The following ABCF1 variants were observed in gnomAD, a reference collection of about 807,000 sequenced individuals.
ABCF1 encodes the protein ATP-binding cassette sub-family F member 1.
ABCF1 carries 73 observed loss-of-function variants against 126.3 expected under a neutral mutation model. The ratio of observed to expected loss-of-function variants is 0.58; its 90% CI spans 0.48 to 0.70. The LOEUF (loss-of-function observed/expected upper bound fraction) is 0.70. Among genes scored for constraint, ABCF1 ranks in the 30% least tolerant of loss-of-function variants. The probability of loss-of-function intolerance (pLI) is 0.00; values close to 1 mark genes in which losing one functional copy is unlikely to be tolerated. For missense variants in ABCF1, 786 were observed against 1,057.5 expected, an observed-to-expected ratio of 0.74 and a Z score of 3.56; for synonymous variants, 345 against 396.4, an observed-to-expected ratio of 0.87 and a Z score of 1.54.
rs1469228035 is a variant in ABCF1 at position 30,580,464 on chromosome 6, T to C, written c.623T>C (p.Ile208Thr). 3.3e-6 allele frequency: 5 copies of C among 1,531,338 alleles called. No individual in the cohort carries two copies. Among genetic ancestry groups the C allele is most frequent in the Non-Finnish European group, 4.3e-6 (5 of 1,152,794 alleles). The allele number at this position is 1,531,338 out of a possible 1,614,324, so 94.9% of individuals were successfully genotyped here. A position where few individuals can be genotyped will look rare whatever the true frequency, so the allele number is the denominator to read the frequency against. The change falls in exon 8 of 25, where the codon ATA becomes ACA. Residue 208 changes from isoleucine to threonine, a missense_variant. Coordinates refer to ENST00000326195, the MANE Select transcript of ABCF1 (RefSeq NM_001025091.2). ...NEEEDKEEEIIKEKEPPKQGK... is the reference protein window; with the variant it reads ...NEEEDKEEEITKEKEPPKQGK... Reference sequence around the variant, plus strand: ...GAGGAGGATAAAGAAGAAGAAATTATAAAGGAAAAGGAGCCTCCCAAACAA... The same window carrying C: ...GAGGAGGATAAAGAAGAAGAAATTACAAAGGAAAAGGAGCCTCCCAAACAA...
At position 30,583,287 on chromosome 6, in the gene ABCF1, G is replaced by A; in HGVS notation, c.915+99G>A. The A allele has an allele frequency of 6.8e-7, 1 of 1,466,910 alleles. No homozygotes were observed. Among genetic ancestry groups the A allele is most frequent in the Non-Finnish European group, 9.2e-7 (1 of 1,088,834 alleles). The allele number at this position is 1,466,910 out of a possible 1,614,324, so 90.9% of individuals were successfully genotyped here. ...TGTGGTGTGTGAATGGGTTAGTTCA[G>A]TGGGAAGAAAGATTGGAGGCATTTT... On this transcript the variant is annotated intron_variant, in intron 10 of 24. Coordinates refer to ENST00000326195, the MANE Select transcript of ABCF1 (RefSeq NM_001025091.2). The surrounding 1 kb of genome is among the most constrained non-coding windows in gnomAD (Gnocchi z 4.1).
rs1170216339 is a variant in ABCF1, at chr6:30,585,702, G to T, written c.1600+20G>T. ...ATTACAGTAAGTAGGATTGTGTGTG[G>T]ATGCAGGGAAGAGATAGAACCTCGA... On this transcript the variant is annotated intron_variant, in intron 16 of 24. Transcript: ENST00000326195. 2 of 1,612,122 alleles carry T rather than the reference G, an allele frequency of 1.2e-6. No individual in the cohort carries two copies. The highest frequency in any genetic ancestry group is 1.1e-5 in the South Asian group (1 of 91,066).
chr6:30,580,273 G>A (rs1801742302), intron 7 of ABCF1, 133 bp from the exon 8 acceptor site: 5 of 750,866 alleles, frequency 6.7e-6, no homozygotes, highest in South Asian at 5.7e-5. Flanking sequence ...CGTGAACCCG[G>A]GAGGTGGAGC....
intron 20 of ABCF1, chr6:30,589,437 A>C (rs1802321038): frequency 1.8e-6 from 1 of 565,048 alleles, no homozygotes; most frequent in Non-Finnish European, 3.1e-6. Context: ...TCCCGTCTCT[A>C]CTAAAAATAC....
Position 30,585,637 on chromosome 6 carries a change from A to G in ABCF1, c.1555A>G (p.Ile519Val). The G allele has an allele frequency of 6.2e-7, 1 of 1,613,006 alleles. No individual in the cohort carries two copies. The highest frequency in any genetic ancestry group is 8.5e-7 in the Non-Finnish European group (1 of 1,180,028). Residue 519 changes from isoleucine (I) to valine (V), a missense_variant, in exon 16 of 25, where the codon ATC becomes GTC. Ile to Val is a conservative substitution (Grantham distance 29). Around this residue, in one of 4 missense-constraint regions of ABCF1, gnomAD observed 288 missense variants for 423.5 expected, o/e 0.68. Coordinates refer to ENST00000326195, the MANE Select transcript of ABCF1 (RefSeq NM_001025091.2). ...GFLDDVCTDI[I>V]HLDAQRLHYY... ...CTTGGATGATGTCTGCACTGATATC[A>G]TCCACCTCGATGCCCAGCGGCTCCA...
rs999811921 is a variant in ABCF1 at position 30,589,093 on chromosome 6, G to C, written c.2032-595G>C. Among the ~76,000 whole-genome samples, 72 of 152,020 alleles carry C rather than the reference G, an allele frequency of 4.7e-4. 1 individual carries two copies. On this transcript the variant is annotated intron_variant, in intron 20 of 24. Coordinates refer to ENST00000326195, the MANE Select transcript of ABCF1 (RefSeq NM_001025091.2). ...CGATCTCAGCAACTTCCACCTCCTG[G>C]GTTAAAACCATTCTTGTGCCTCAGC...
intron 20 of ABCF1, 51 bp from the exon 21 acceptor site, chr6:30,589,637 C>G: frequency 6.3e-7 from 1 of 1,596,370 alleles, no homozygotes; most frequent in Non-Finnish European, 8.6e-7. Context: ...TATGGAGCTG[C>G]AGCACCTTTT....
intron 20 of ABCF1, chr6:30,589,487 C>T: frequency 1.6e-6 from 1 of 621,006 alleles, no homozygotes; most frequent in Middle Eastern, 4.3e-4. Flanking sequence ...CCTGTATTCC[C>T]AGCTACTGGG....
At chr6:30,589,462 G>C (rs540436129) in intron 20 of ABCF1, 16 of 590,130 alleles carry the variant, frequency 2.7e-5, no homozygotes, top group Middle Eastern at 9.0e-4. Flanking sequence ...AATTAGCCGG[G>C]TGTGGTGGCA....
At chr6:30,576,490 T>C (rs913612755) in intron 1 of ABCF1, among the ~76,000 whole-genome samples, 4 of 151,974 alleles carry the variant, frequency 2.6e-5, no homozygotes, top group African/African-American at 9.7e-5. Context: ...GGTTTCACCA[T>C]GTTCACCAGA....
At position 30,577,832 on chromosome 6, in the gene ABCF1, G is replaced by A. The variant is rs769438616; in HGVS notation, c.135G>A (p.Leu45=). The A allele has an allele frequency of 1.2e-6, 2 of 1,613,726 alleles. No homozygotes were observed. The highest frequency in any genetic ancestry group is 2.7e-5 in the African/African-American group (2 of 74,914). Reference sequence around the variant, plus strand: ...TCCCTTTATAGTTCTTTGAAGAGCTGGCAGTAGAAGATAAACAGGCTGGGG... The same window carrying A: ...TCCCTTTATAGTTCTTTGAAGAGCTAGCAGTAGAAGATAAACAGGCTGGGG... The part of the protein sequence containing the change: ...KKIKKTFFEE[L]AVEDKQAGEE... The change falls in exon 3 of 25, where the codon CTG becomes CTA. Residue 45 remains leucine (L), a synonymous_variant. Coordinates refer to ENST00000326195, the MANE Select transcript of ABCF1 (RefSeq NM_001025091.2).
At chr6:30,588,180 C>T (rs1423588992) in intron 20 of ABCF1, among the ~76,000 whole-genome samples, 1 of 151,962 alleles carries the variant, frequency 6.6e-6, no homozygotes, top group African/African-American at 2.4e-5. Context: ...GGATTACAGG[C>T]GTGAGCCACC....
Position 30,583,102 on chromosome 6 carries a change from GC to G in ABCF1, c.831del (p.Asn278MetfsTer21). 6.2e-7 allele frequency: 1 copy of G among 1,611,576 alleles called. No homozygotes were observed. The highest frequency in any genetic ancestry group is 8.5e-7 in the Non-Finnish European group (1 of 1,178,714). Reference sequence around the variant, plus strand: ...GCGCCAAGTGGCTTCATTAAAAGCAGCCAATGCAGCTGAAAATGACTTCTCC... The same window carrying G: ...GCGCCAAGTGGCTTCATTAAAAGCAGCAATGCAGCTGAAAATGACTTCTCC... ...YERQVASLKA[A>X]NAAENDFSVS... On this transcript the variant is annotated frameshift_variant, in exon 10 of 25. Transcript: ENST00000326195. LOFTEE classifies it high-confidence loss of function. The surrounding 1 kb of genome is among the most constrained non-coding windows in gnomAD (Gnocchi z 4.1).
At position 30,585,348 on chromosome 6, in the gene ABCF1, G is replaced by A. The variant is rs768066011; in HGVS notation, c.1475+5G>A. On this transcript the variant is annotated splice_donor_5th_base_variant and intron_variant, in intron 15 of 24. Coordinates refer to ENST00000326195, the MANE Select transcript of ABCF1 (RefSeq NM_001025091.2). ...CGCTGTCATCTGGCTTAATAAGTGC[G>A]TTACGGCCTTTGCATCATTGGTTCC... 32 of 1,612,146 alleles carry A rather than the reference G, an allele frequency of 2.0e-5. No homozygotes were observed. Among genetic ancestry groups the A allele is most frequent in the Non-Finnish European group, 2.5e-5 (29 of 1,179,178 alleles).
Position 30,578,573 on chromosome 6 carries a change from A to G in ABCF1, c.485A>G (p.Asn162Ser), listed in dbSNP as rs1449507589. 9 of 1,613,456 alleles carry G rather than the reference A, an allele frequency of 5.6e-6. No homozygotes were observed. The East Asian group carries it at 8.9e-5, about 16-fold the overall frequency. The part of the protein sequence containing the change: ...KPAKPEKNRI[N>S]KAVSEEQQPA... Reference sequence around the variant, plus strand: ...GCCAAGCCGGAGAAGAATCGGATCAATAAGGTGACAGTGGTGGCTCGATCA... The same window carrying G: ...GCCAAGCCGGAGAAGAATCGGATCAGTAAGGTGACAGTGGTGGCTCGATCA... Residue 162 changes from asparagine (N) to serine (S), a missense_variant, in exon 6 of 25, where the codon AAT (asparagine) becomes AGT (serine). Physicochemically the swap from Asn to Ser is conservative, Grantham distance 46 (BLOSUM62 1). Around this residue, in one of 4 missense-constraint regions of ABCF1, gnomAD observed 322 missense variants for 322.9 expected, o/e 1.00. Coordinates refer to ENST00000326195, the MANE Select transcript of ABCF1 (RefSeq NM_001025091.2).
chr6:30,585,126 G>A, intron 14 of ABCF1, 134 bp from the exon 15 acceptor site: 1 of 811,722 alleles, frequency 1.2e-6, no homozygotes, highest in Non-Finnish European at 2.1e-6. Flanking sequence ...ACCGTATCCT[G>A]CCCGAGAACT....
chr6:30,578,625 C>T, intron 6 of ABCF1, 48 bp downstream of exon 6: 1 of 1,515,222 alleles, frequency 6.6e-7, no homozygotes, highest in Admixed American at 1.7e-5. Context: ...TTAGCACCTT[C>T]TGGCCATGGT....
Position 30,590,834 on chromosome 6 carries a change from G to A in ABCF1, c.*133G>A. ...CCATTCAGGCACATGAAGGTGGAGT[G>A]TGACCTTGATGTGACCGGGATCCCA... On this transcript the variant is annotated 3_prime_UTR_variant, in exon 25 of 25. Transcript: ENST00000326195. 1 of 994,596 alleles carries A rather than the reference G, an allele frequency of 1.0e-6. No homozygotes were observed. The highest frequency in any genetic ancestry group is 1.5e-6 in the Non-Finnish European group (1 of 680,138). The allele number at this position is 994,596 out of a possible 1,614,324, so 61.6% of individuals were successfully genotyped here.
rs890415967 is a variant in ABCF1, at chr6:30,578,098, G to A, written c.239G>A (p.Arg80Gln). 1.7e-5 allele frequency: 28 copies of A among 1,613,928 alleles called. No homozygotes were observed. The highest frequency in any genetic ancestry group is 2.2e-5 in the East Asian group (1 of 44,894). ...CAGCAAAAAAAAAAGCGAGATACCC[G>A]AAAAGGCAGGCGGAAGAAGGATGTG... is the stretch of plus-strand genomic sequence containing the variant. Reference protein sequence around the residue: ...QQQQKKKRDTRKGRRKKDVDD... With the variant: ...QQQQKKKRDTQKGRRKKDVDD... Residue 80 changes from arginine (R) to glutamine (Q), a missense_variant, in exon 4 of 25, where the codon CGA (arginine) becomes CAA (glutamine). By Grantham distance (43) the Arg-to-Gln change is conservative. Coordinates refer to ENST00000326195, the MANE Select transcript of ABCF1 (RefSeq NM_001025091.2).
Sources: gnomAD v4.1 joint callset for allele counts (sites outside exome capture counted in the v4.1 genomes callset) on GRCh38, gnomAD v4.1.1 for gene constraint, gnomAD v4.1.1 regional missense constraint, Gnocchi (gnomAD v3.1) non-coding constraint, MANE v1.5 for transcripts, NCBI Gene and HGNC (gene_info 2026-07-23, HGNC 2026-07-21) for gene names.